The following LRRC43 variants were observed in gnomAD, a reference collection of about 807,000 sequenced individuals.
LRRC43 encodes the protein leucine-rich repeat-containing protein 43.
In LRRC43, 62 loss-of-function variants were observed where a neutral mutation model predicts 64.3. The ratio of observed to expected loss-of-function variants is 0.96; its 90% CI spans 0.79 to 1.19. The LOEUF (loss-of-function observed/expected upper bound fraction) is 1.19. Among genes scored for constraint, LRRC43 ranks in the 50% most tolerant of loss-of-function variants. LRRC43 has a pLI of 0.00. For missense variants in LRRC43, 868 were observed against 845.0 expected (o/e 1.03, Z -0.34); for synonymous variants, 422 against 382.3 (o/e 1.10, Z -1.21).
intron 6 of LRRC43, among the ~76,000 whole-genome samples, chr12:122,192,160 T>C (rs112134995): frequency 0.069 from 10,313 of 149,996 alleles, 1,091 homozygotes; most frequent in African/African-American, 0.23. Context: ...GTGTGTGTGA[T>C]GGAGTCTCGC....
chr12:122,193,084 A>G (rs1953737403), intron 7 of LRRC43, 80 bp downstream of exon 7: 2 of 1,492,576 alleles, frequency 1.3e-6, no homozygotes, highest in Admixed American at 2.0e-5. Context: ...ACCTTCCATT[A>G]AAAGTCCTGA....
chr12:122,193,091 C>T, intron 7 of LRRC43, 87 bp downstream of exon 7: 1 of 1,456,950 alleles, frequency 6.9e-7, no homozygotes, highest in Admixed American at 2.1e-5. Context: ...ATTAAAAGTC[C>T]TGAGGCTGGC....
At chr12:122,192,426 G>T (rs192863657) in intron 6 of LRRC43, among the ~76,000 whole-genome samples, 1 of 152,132 alleles carries the variant, frequency 6.6e-6, no homozygotes, top group East Asian at 1.9e-4. Flanking sequence ...GTGAGCCACC[G>T]CGCCTAGCCC....
intron 1 of LRRC43, among the ~76,000 whole-genome samples, chr12:122,176,102 T>C (rs904848444): frequency 6.6e-6 from 1 of 152,122 alleles, no homozygotes; most frequent in Non-Finnish European, 1.5e-5. Flanking sequence ...ACAACATTCA[T>C]AAATAAGCTA....
intron 1 of LRRC43, among the ~76,000 whole-genome samples, chr12:122,175,856 G>A (rs373982262): frequency 5.3e-5 from 8 of 151,778 alleles, no homozygotes; most frequent in Non-Finnish European, 1.2e-4. Context: ...TAGTAGAGAC[G>A]GGGTTTCACC....
intron 2 of LRRC43, among the ~76,000 whole-genome samples, chr12:122,185,227 C>A (rs1323222775): frequency 1.3e-5 from 2 of 152,156 alleles, no homozygotes; most frequent in African/African-American, 4.8e-5. Flanking sequence ...GTAATCTCAG[C>A]ACTTTGGGAG....
At chr12:122,185,634 C>G (rs1953634483) in intron 2 of LRRC43, among the ~76,000 whole-genome samples, 1 of 152,142 alleles carries the variant, frequency 6.6e-6, no homozygotes, top group African/African-American at 2.4e-5. Flanking sequence ...CACTAGGGGA[C>G]AAATAGGGTG....
upstream of LRRC43, among the ~76,000 whole-genome samples, chr12:122,179,310 T>C (rs1953562361): frequency 6.6e-6 from 1 of 152,126 alleles, no homozygotes; most frequent in Admixed American, 6.6e-5. Flanking sequence ...CCTCCTCTAT[T>C]GCCTAGGCTG....
At position 122,190,219 on chromosome 12, in the gene LRRC43, GACTCCT is replaced by G; in HGVS notation, c.753_758del (p.Leu252_Leu253del). 1 of 1,614,070 alleles carries G rather than the reference GACTCCT, an allele frequency of 6.2e-7. No homozygotes were observed. The highest frequency in any genetic ancestry group is 8.5e-7 in the Non-Finnish European group (1 of 1,179,976). ...AGCCTGAGGACCCTCCGGCACCTGC[GACTCCT>G]GGTGCTGCAGGGAAACCCACTGGCC... On this transcript the variant is annotated inframe_deletion, in exon 5 of 12. Transcript: ENST00000339777.
intron 5 of LRRC43, 59 bp from the exon 6 acceptor site, chr12:122,191,320 CT>C: frequency 6.8e-7 from 1 of 1,473,294 alleles, no homozygotes; most frequent in South Asian, 1.3e-5. Flanking sequence ...AGCCCTCTTG[CT>C]TTCTATCTGC....
chr12:122,178,705 C>CCTCA (rs1238136070), upstream of LRRC43, among the ~76,000 whole-genome samples: 1 of 149,742 alleles, frequency 6.7e-6, no homozygotes, highest in African/African-American at 2.5e-5. Context: ...GATTGTCCTG[C>CCTCA]CTCAGCCTCT....
chr12:122,194,064 T>G (rs1243959843), intron 7 of LRRC43, among the ~76,000 whole-genome samples: 1 of 152,164 alleles, frequency 6.6e-6, no homozygotes, highest in African/African-American at 2.4e-5. Context: ...TTGTGCTACT[T>G]TTGTTATGAA....
rs1953734269 is a variant in LRRC43 at position 122,192,893 on chromosome 12, A to C, written c.1238A>C (p.Glu413Ala). 6.2e-7 allele frequency: 1 copy of C among 1,613,934 alleles called. No homozygotes were observed. Among genetic ancestry groups the C allele is most frequent in the African/African-American group, 1.3e-5 (1 of 74,844 alleles). The change falls in exon 7 of 12, where the codon GAG becomes GCG. Residue 413 changes from glutamate to alanine, a missense_variant. Physicochemically the swap from Glu to Ala is moderately radical, Grantham distance 107. Transcript: ENST00000339777. ...ESEVEESGES[E>A]LSVISGPSTI... ...GAGGTGGAGGAGTCAGGAGAGTCGGAGCTGTCTGTCATCTCGGGGCCTTCG... is the reference window on the plus strand; with the variant it reads ...GAGGTGGAGGAGTCAGGAGAGTCGGCGCTGTCTGTCATCTCGGGGCCTTCG...
rs1269552422 is a variant in LRRC43, at chr12:122,184,965, G to C, written c.411+186G>C. On this transcript the variant is annotated intron_variant, in intron 2 of 11. Coordinates refer to ENST00000339777, the MANE Select transcript of LRRC43 (RefSeq NM_001098519.2). This position sits in a 1 kb window ranked among gnomAD's most constrained non-coding sequence, Gnocchi z 4.0. ...CCAGGCAGGGCCGGCTACTCGGTCA[G>C]CCTTGCGTTTCTTCTTCCTTTACCC... Among the ~76,000 whole-genome samples, 1 of 152,164 alleles carries C rather than the reference G, an allele frequency of 6.6e-6. No homozygotes were observed. Among genetic ancestry groups the C allele is most frequent in the Admixed American group, 6.5e-5 (1 of 15,270 alleles).
rs538569275 is a variant in LRRC43, at chr12:122,203,374, G to A, written c.1903G>A (p.Val635Ile). The A allele has an allele frequency of 1.7e-5, 27 of 1,613,376 alleles. No individual in the cohort carries two copies. The highest frequency in any genetic ancestry group is 6.7e-5 in the Admixed American group (4 of 59,992). ...EGDYHPEPLT[V>I]EVQIQLNQCR... ...CGATTACCACCCTGAGCCCCTGACC[G>A]TAGAGGTGCAGATCCAGCTGAACCA... is the stretch of plus-strand genomic sequence containing the variant. The change falls in exon 12 of 12, where the codon GTA (valine) becomes ATA (isoleucine). Residue 635 changes from valine (V) to isoleucine (I), a missense_variant. Transcript: ENST00000339777.
At chr12:122,183,322 G>A (rs1468594493) in intron 1 of LRRC43, 28 bp downstream of exon 1, 11 of 1,433,326 alleles carry the variant, frequency 7.7e-6, no homozygotes, top group Non-Finnish European at 9.9e-6. Flanking sequence ...GGAACTCTGG[G>A]GGCCTGGACC....
intron 4 of LRRC43, among the ~76,000 whole-genome samples, chr12:122,188,644 T>G (rs1164702594): frequency 1.3e-5 from 2 of 151,998 alleles, no homozygotes; most frequent in African/African-American, 4.8e-5. Flanking sequence ...TTTCACCATG[T>G]TGGCCAGGAT....
At position 122,192,790 on chromosome 12, in the gene LRRC43, C is replaced by T; in HGVS notation, c.1135C>T (p.Pro379Ser). The T allele has an allele frequency of 6.2e-7, 1 of 1,614,102 alleles. No individual in the cohort carries two copies. Among genetic ancestry groups the T allele is most frequent in the African/African-American group, 1.3e-5 (1 of 74,996 alleles). Residue 379 changes from proline to serine, a missense_variant, in exon 7 of 12, where the codon CCT (proline) becomes TCT (serine). Pro to Ser is a moderately conservative substitution (Grantham distance 74). Transcript: ENST00000339777. ...CTTAGAATTATTAGTTGAGGAATCT[C>T]CTGAAGAGGTCGTGGAAGACGTCAT... is the stretch of plus-strand genomic sequence containing the variant. ...PSLELLVEESPEEVVEDVIED... is the reference protein window; with the variant it reads ...PSLELLVEESSEEVVEDVIED...
At chr12:122,177,923 T>C (rs914169059) in intron 1 of LRRC43, among the ~76,000 whole-genome samples, 1 of 151,686 alleles carries the variant, frequency 6.6e-6, no homozygotes, top group African/African-American at 2.4e-5. Flanking sequence ...CTGCAACCTC[T>C]GCCTCCTGGG....
Sources: gnomAD v4.1 joint callset for allele counts (sites outside exome capture counted in the v4.1 genomes callset) on GRCh38, gnomAD v4.1.1 for gene constraint, Gnocchi (gnomAD v3.1) non-coding constraint, MANE v1.5 for transcripts, NCBI Gene and HGNC (gene_info 2026-07-23, HGNC 2026-07-21) for gene names.